Variants in NEO1 observed in about 807,000 individuals in gnomAD.
NEO1 encodes the protein neogenin 1.
In NEO1, 63 loss-of-function variants were observed where a neutral mutation model predicts 159.7. The ratio of observed to expected loss-of-function variants is 0.39; its 90% CI spans 0.32 to 0.49. NEO1 has a LOEUF of 0.49. Among genes scored for constraint, NEO1 ranks in the 20% least tolerant of loss-of-function variants. The pLI is 0.85. For synonymous variants in NEO1, 633 were observed against 662.0 expected (o/e 0.96, Z 0.67); for missense variants, 1,615 against 1,831.0 (o/e 0.88, Z 2.15).
chr15:73,112,366 A>G (rs2071047027), intron 1 of NEO1, among the ~76,000 whole-genome samples: 1 of 152,032 alleles, frequency 6.6e-6, no homozygotes, highest in Non-Finnish European at 1.5e-5. Context: ...TACCTGTTAT[A>G]TGTGACACAA....
rs554455524 is a variant in NEO1 at position 73,301,451 on chromosome 15, C to T, written c.4296C>T (p.Ser1432=). 1.2e-5 allele frequency: 20 copies of T among 1,614,126 alleles called. No homozygotes were observed. Among genetic ancestry groups the T allele is most frequent in the East Asian group, 4.5e-5 (2 of 44,882 alleles). Reference sequence around the variant, plus strand: ...AGACCACAAGGATGTTGGAAGACTCCGAGAGTGTAAGTTCGTGGGGCCATC... The same window carrying T: ...AGACCACAAGGATGTTGGAAGACTCTGAGAGTGTAAGTTCGTGGGGCCATC... ...VQETTRMLED[S]ESSYEPDELT... Residue 1432 remains serine (S), a synonymous_variant, in exon 28 of 29, where the codon TCC becomes TCT. Transcript: ENST00000261908.
intron 7 of NEO1, among the ~76,000 whole-genome samples, chr15:73,221,353 A>G (rs1023990431): frequency 3.3e-5 from 5 of 152,220 alleles, no homozygotes; most frequent in African/African-American, 1.2e-4. Flanking sequence ...GGTGCCTCCC[A>G]GTTAGGCTGC....
Position 73,069,125 on chromosome 15 carries a change from ATTTTTT to A in NEO1, c.130+16333_130+16338del, listed in dbSNP as rs962027800. Reference sequence around the variant, plus strand: ...TGCGTCACCATGGGCTAATTTTTGTATTTTTTTTTTTTTTTTTTGTAGAGACAGGGT... The same window carrying A: ...TGCGTCACCATGGGCTAATTTTTGTATTTTTTTTTTTTGTAGAGACAGGGT... On this transcript the variant is annotated intron_variant, in intron 1 of 28. Transcript: ENST00000261908. Among the ~76,000 whole-genome samples, 3 of 105,432 alleles carry A rather than the reference ATTTTTT, an allele frequency of 2.8e-5. No individual in the cohort carries two copies. The East Asian group carries it at 7.5e-4, about 26-fold the overall frequency. 69.2% of individuals were successfully genotyped at this position (105,432 alleles called of 152,430 possible).
chr15:73,099,315 T>C (rs931159552), intron 1 of NEO1, among the ~76,000 whole-genome samples: 4 of 152,330 alleles, frequency 2.6e-5, no homozygotes, highest in Non-Finnish European at 5.9e-5. Context: ...GGACGACAGC[T>C]TACCAATGCA....
chr15:73,153,878 A>C (rs1239020165), intron 5 of NEO1, among the ~76,000 whole-genome samples: 1 of 152,182 alleles, frequency 6.6e-6, no homozygotes, highest in Non-Finnish European at 1.5e-5. Flanking sequence ...CTTATCAAAA[A>C]TAGTTGTTCC....
chr15:73,194,306 C>T (rs1202404290), intron 7 of NEO1, among the ~76,000 whole-genome samples: 1 of 152,040 alleles, frequency 6.6e-6, no homozygotes, highest in Non-Finnish European at 1.5e-5. Flanking sequence ...TCTTTTTATT[C>T]CCTAATGGCT....
chr15:73,082,259 T>C (rs1183988665), intron 1 of NEO1, among the ~76,000 whole-genome samples: 1 of 152,226 alleles, frequency 6.6e-6, no homozygotes, highest in Non-Finnish European at 1.5e-5. Context: ...TCTTTAGATA[T>C]GTAACATTTT....
Position 73,209,844 on chromosome 15 carries a change from A to C in NEO1, c.1292-26503A>C, listed in dbSNP as rs114850354. On this transcript the variant is annotated intron_variant, in intron 7 of 28. Coordinates refer to ENST00000261908, the MANE Select transcript of NEO1 (RefSeq NM_002499.4). ...CTGTTTCTACTAAAAAACAAACAAA[A>C]AAAAGCACAAAAATTAGCTGGGCGT... Among the ~76,000 whole-genome samples, 1,303 of 152,116 alleles carry C rather than the reference A, an allele frequency of 8.6e-3. 22 individuals are homozygous for C. The highest frequency in any genetic ancestry group is 0.03 in the African/African-American group (1,229 of 41,490).
intron 7 of NEO1, among the ~76,000 whole-genome samples, chr15:73,207,271 T>C (rs1034262294): frequency 6.6e-6 from 1 of 152,240 alleles, no homozygotes; most frequent in African/African-American, 2.4e-5. Flanking sequence ...ATTGTTACTA[T>C]TTGTATATAT....
At chr15:73,262,852 A>G (rs1272931085) in intron 15 of NEO1, among the ~76,000 whole-genome samples, 1 of 152,252 alleles carries the variant, frequency 6.6e-6, no homozygotes, top group Non-Finnish European at 1.5e-5. Context: ...AAATCGTGAT[A>G]TATCCATGGA....
Position 73,294,470 on chromosome 15 carries a change from C to T in NEO1, c.3901+922C>T, listed in dbSNP as rs7164403. On this transcript the variant is annotated intron_variant, in intron 26 of 28. Transcript: ENST00000261908. Reference sequence around the variant, plus strand: ...AGTGAGTTCCATTTTAAAAGAACCTCAAAACTTTATGCTGGAAATTTGGGT... The same window carrying T: ...AGTGAGTTCCATTTTAAAAGAACCTTAAAACTTTATGCTGGAAATTTGGGT... 6.1e-3 allele frequency among the ~76,000 whole-genome samples: 931 copies of T among 152,234 alleles called. 13 individuals are homozygous for T. Among genetic ancestry groups the T allele is most frequent in the African/African-American group, 0.021 (885 of 41,528 alleles).
chr15:73,052,754 C>T lies in NEO1; in HGVS notation c.79C>T (p.Arg27Trp). Residue 27 changes from arginine (R) to tryptophan (W), a missense_variant, in exon 1 of 29, where the codon CGG becomes TGG. Physicochemically the swap from Arg to Trp is moderately radical, Grantham distance 101. Coordinates refer to ENST00000261908, the MANE Select transcript of NEO1 (RefSeq NM_002499.4). ...WLYCLLLLGR[R>W]APGAAAARSG... ...CTACTGCCTGCTGCTGCTCGGGCGC[C>T]GGGCGCCGGGCGCCGCGGCCGCCAG... The T allele has an allele frequency of 7.9e-7, 1 of 1,261,968 alleles. No individual in the cohort carries two copies. The highest frequency in any genetic ancestry group is 1.0e-6 in the Non-Finnish European group (1 of 997,196). The allele number at this position is 1,261,968 out of a possible 1,614,324, so 78.2% of individuals were successfully genotyped here. A position where few individuals can be genotyped will look rare whatever the true frequency, so the allele number is the denominator to read the frequency against.
intron 7 of NEO1, among the ~76,000 whole-genome samples, chr15:73,216,991 T>G (rs2037930620): frequency 6.6e-6 from 1 of 152,096 alleles, no homozygotes; most frequent in African/African-American, 2.4e-5. Context: ...GTTTTAGACA[T>G]GAAGTCCTTG....
chr15:73,237,306 G>A (rs2039233606), intron 8 of NEO1, among the ~76,000 whole-genome samples: 1 of 152,106 alleles, frequency 6.6e-6, no homozygotes. Flanking sequence ...ACTTGATTAT[G>A]GTAATATGTG....
Position 73,052,653 on chromosome 15 carries a change from T to C in NEO1, c.-23T>C, listed in dbSNP as rs1420906285. 1.2e-5 allele frequency: 15 copies of C among 1,260,964 alleles called. No individual in the cohort carries two copies. The highest frequency in any genetic ancestry group is 2.0e-5 in the South Asian group (1 of 50,220). 78.1% of individuals were successfully genotyped at this position (1,260,964 alleles called of 1,614,324 possible). On this transcript the variant is annotated 5_prime_UTR_variant, in exon 1 of 29. Transcript: ENST00000261908. ...GGCTCCGCGGCGCTGTCGCCGCCGC[T>C]GCCGCTCACTCTCGGGGAAGAGATG...
Position 73,281,139 on chromosome 15 carries a change from C to T in NEO1, c.3263-1825C>T, listed in dbSNP as rs182986872. On this transcript the variant is annotated intron_variant, in intron 22 of 28. Transcript: ENST00000261908. ...AGGAGAATGGCATGAACCAGAGGGG[C>T]GGAGCTTGCAGTGAGCGGAGATTGT... Among the ~76,000 whole-genome samples the T allele has an allele frequency of 1.9e-4, 27 of 145,016 alleles. No homozygotes were observed. In the East Asian group the frequency reaches 4.7e-3, roughly 25 times the overall value.
At position 73,178,110 on chromosome 15, in the gene NEO1, C is replaced by T. The variant is rs138259673; in HGVS notation, c.1171-197C>T. ...TCTTCATCGTGAATGACAGTATGTA[C>T]TCTTCTATTCAGTTAAATTGGTACC... On this transcript the variant is annotated intron_variant, in intron 6 of 28. Transcript: ENST00000261908. Among the ~76,000 whole-genome samples the T allele has an allele frequency of 1.0e-2, 1,519 of 152,260 alleles. 12 individuals are homozygous for T. The highest frequency in any genetic ancestry group is 0.037 in the Middle Eastern group (11 of 294).
intron 1 of NEO1, among the ~76,000 whole-genome samples, chr15:73,062,135 C>G (rs2068009138): frequency 6.6e-6 from 1 of 152,144 alleles, no homozygotes; most frequent in African/African-American, 2.4e-5. Flanking sequence ...CTTTGAGCAG[C>G]AAATGAGAGT....
At chr15:73,266,008 C>T (rs1374160153) in intron 15 of NEO1, among the ~76,000 whole-genome samples, 6 of 152,114 alleles carry the variant, frequency 3.9e-5, no homozygotes, top group Non-Finnish European at 7.4e-5. Context: ...AATCTTATCT[C>T]TTCATTCTCA....
Sources: gnomAD v4.1 joint callset for allele counts (sites outside exome capture counted in the v4.1 genomes callset) on GRCh38, gnomAD v4.1.1 for gene constraint, MANE v1.5 for transcripts, NCBI Gene and HGNC (gene_info 2026-07-23, HGNC 2026-07-21) for gene names.